Variants in ATP1B3 observed in about 807,000 individuals in gnomAD.
ATP1B3 encodes the protein sodium/potassium-transporting ATPase subunit beta-3.
Under a neutral mutation model 30.2 loss-of-function variants are expected in ATP1B3, and 10 were observed. The ratio of observed to expected loss-of-function variants is 0.33; its 90% CI spans 0.20 to 0.56. The LOEUF (loss-of-function observed/expected upper bound fraction) is 0.56, where lower values mean the gene tolerates loss of function less well. Among genes scored for constraint, ATP1B3 ranks in the 20% least tolerant of loss-of-function variants. The pLI is 0.90. For missense variants in ATP1B3, 238 were observed against 336.7 expected, an observed-to-expected ratio of 0.71 and a Z score of 2.29; for synonymous variants, 113 against 117.0, an observed-to-expected ratio of 0.97 and a Z score of 0.22.
chr3:141,893,938 C>G (rs1205744737), intron 1 of ATP1B3, among the ~76,000 whole-genome samples: 2 of 152,194 alleles, frequency 1.3e-5, no homozygotes, highest in Non-Finnish European at 2.9e-5. Context: ...TTACACAAAT[C>G]TAGATGGCAT....
intron 6 of ATP1B3, among the ~76,000 whole-genome samples, chr3:141,923,823 A>G (rs965446038): frequency 2.6e-5 from 4 of 152,138 alleles, no homozygotes; most frequent in Non-Finnish European, 4.4e-5. Flanking sequence ...TATGTTCATT[A>G]GTTGGAGTTT....
At chr3:141,924,512 G>A (rs1282580737) in intron 6 of ATP1B3, among the ~76,000 whole-genome samples, 1 of 152,090 alleles carries the variant, frequency 6.6e-6, no homozygotes, top group Non-Finnish European at 1.5e-5. Flanking sequence ...AGCTGGGTAT[G>A]GTGGTGGGCA....
intron 1 of ATP1B3, among the ~76,000 whole-genome samples, chr3:141,879,779 A>AAAAAAAAAAAACC (rs111928466): frequency 0.2 from 25,368 of 125,522 alleles, 2,987 homozygotes; most frequent in Non-Finnish European, 0.22. Context: ...TCTCCATCTC[A>AAAAAAAAAAAACC]AAAAAAAAAA....
At chr3:141,879,779 A>AAAAAAAAAAAAACC (rs111928466) in intron 1 of ATP1B3, among the ~76,000 whole-genome samples, 22 of 126,058 alleles carry the variant, frequency 1.7e-4, no homozygotes, top group Non-Finnish European at 2.4e-4. Context: ...TCTCCATCTC[A>AAAAAAAAAAAAACC]AAAAAAAAAA....
intron 5 of ATP1B3, among the ~76,000 whole-genome samples, chr3:141,921,165 T>C (rs1212847105): frequency 1.3e-5 from 2 of 152,196 alleles, no homozygotes; most frequent in African/African-American, 4.8e-5. Flanking sequence ...TTGTGGTCTG[T>C]TTGCTACTTC....
chr3:141,892,983 T>A (rs934944913), intron 1 of ATP1B3, among the ~76,000 whole-genome samples: 9 of 152,180 alleles, frequency 5.9e-5, no homozygotes, highest in Non-Finnish European at 1.0e-4. Flanking sequence ...TTAGCAGATC[T>A]CTGCTCACCA....
At position 141,908,996 on chromosome 3, in the gene ATP1B3, A is replaced by G. The variant is rs371850309; in HGVS notation, c.346+1722A>G. Among the ~76,000 whole-genome samples the G allele has an allele frequency of 3.4e-3, 512 of 152,282 alleles. 6 individuals carry two copies. Among genetic ancestry groups the G allele is most frequent in the Middle Eastern group, 0.024 (7 of 294 alleles). On this transcript the variant is annotated intron_variant, in intron 3 of 6. Transcript: ENST00000286371. Reference sequence around the variant, plus strand: ...GGATCTCATCCTCTCTCAGTGTCTCAGAAACATACTGTGTACTCTCTCTTC... The same window carrying G: ...GGATCTCATCCTCTCTCAGTGTCTCGGAAACATACTGTGTACTCTCTCTTC...
chr3:141,883,388 A>G (rs1933769933), intron 1 of ATP1B3, among the ~76,000 whole-genome samples: 1 of 152,098 alleles, frequency 6.6e-6, no homozygotes, highest in African/African-American at 2.4e-5. Context: ...GACTTTGATA[A>G]TGACCTGTAG....
chr3:141,888,227 C>T (rs1452125160), intron 1 of ATP1B3, among the ~76,000 whole-genome samples: 2 of 152,130 alleles, frequency 1.3e-5, no homozygotes, highest in African/African-American at 4.8e-5. Flanking sequence ...GGTAAACATT[C>T]CTAATTGAGT....
At chr3:141,901,141 A>G (rs1340867196) in intron 1 of ATP1B3, among the ~76,000 whole-genome samples, 1 of 152,192 alleles carries the variant, frequency 6.6e-6, no homozygotes, top group African/African-American at 2.4e-5. Flanking sequence ...TAAACTAGCT[A>G]GGGAACGTTA....
intron 3 of ATP1B3, among the ~76,000 whole-genome samples, chr3:141,909,562 G>A (rs1934320107): frequency 6.6e-6 from 1 of 152,212 alleles, no homozygotes. Flanking sequence ...CCCTGGAAAT[G>A]TCCAGCACAG....
At chr3:141,925,436 C>A (rs188502708) in intron 6 of ATP1B3, 95 bp from the exon 7 acceptor site, 3 of 1,406,534 alleles carry the variant, frequency 2.1e-6, no homozygotes, top group Admixed American at 2.3e-5. Context: ...GCAACAGTCT[C>A]AAAAAGAAAA....
chr3:141,919,962 G>A lies in ATP1B3; in HGVS notation c.583-2015G>A, dbSNP rs148443756. On this transcript the variant is annotated intron_variant, in intron 5 of 6. Transcript: ENST00000286371. ...AAAAAGAAAAAAAAATATGCTATTC[G>A]TATACTTAGAAAATTATGACATACA... Among the ~76,000 whole-genome samples the A allele has an allele frequency of 1.9e-4, 29 of 151,972 alleles. No homozygotes were observed. The East Asian group carries it at 3.7e-3, about 19-fold the overall frequency.
At chr3:141,915,886 ACC>A in intron 4 of ATP1B3, 82 bp from the exon 5 acceptor site, 7 of 1,029,078 alleles carry the variant, frequency 6.8e-6, no homozygotes. Flanking sequence ...CAAAGTCTTC[ACC>A]CCTTGTTCCC....
chr3:141,899,532 G>C (rs1934123473), intron 1 of ATP1B3, among the ~76,000 whole-genome samples: 1 of 152,148 alleles, frequency 6.6e-6, no homozygotes, highest in Non-Finnish European at 1.5e-5. Flanking sequence ...GAAGCCCAGT[G>C]ACTTTTCCCT....
intron 1 of ATP1B3, among the ~76,000 whole-genome samples, chr3:141,889,651 G>A (rs1362041330): frequency 2.0e-5 from 3 of 148,368 alleles, no homozygotes; most frequent in Non-Finnish European, 3.0e-5. Context: ...TCACTTGAAC[G>A]CAGGAGGCAG....
At chr3:141,910,600 C>T (rs1181995567) in intron 3 of ATP1B3, among the ~76,000 whole-genome samples, 1 of 151,934 alleles carries the variant, frequency 6.6e-6, no homozygotes, top group Non-Finnish European at 1.5e-5. Context: ...TATTTGTAAA[C>T]TATCATTTGA....
intron 1 of ATP1B3, among the ~76,000 whole-genome samples, chr3:141,889,805 A>G (rs1462977149): frequency 6.9e-6 from 1 of 145,790 alleles, no homozygotes; most frequent in Non-Finnish European, 1.5e-5. Flanking sequence ...ACGTATATCT[A>G]CATATATGTG....
chr3:141,908,962 T>C (rs934148639), intron 3 of ATP1B3, among the ~76,000 whole-genome samples: 2 of 152,190 alleles, frequency 1.3e-5, no homozygotes, highest in African/African-American at 4.8e-5. Flanking sequence ...CCTGTGTCAC[T>C]CCTGCTTTGG....
Sources: allele counts gnomAD v4.1 joint callset (sites outside exome capture counted in the v4.1 genomes callset), GRCh38; gene constraint gnomAD v4.1.1; transcripts MANE v1.5; gene names NCBI Gene and HGNC (gene_info 2026-07-23, HGNC 2026-07-21).